HYCC2: variants seen among roughly 807,000 people sequenced by gnomAD.
The protein encoded by HYCC2 is hyccin 2.
At chr2:201,063,197 C>T in the HYCC2 span, 8,790 of 1,607,558 alleles carry the variant, frequency 5.5e-3, 406 homozygotes, top group African/African-American at 0.1. Flanking sequence ...TTTTGAGCAA[C>T]GGGGAACGCT....
the HYCC2 span, among the ~76,000 whole-genome samples, chr2:200,998,486 T>C: frequency 6.6e-6 from 1 of 152,236 alleles, no homozygotes; most frequent in Non-Finnish European, 1.5e-5. Context: ...ATTGTAATTT[T>C]ACGCCTCTAT....
At chr2:201,021,769 TAC>T in the HYCC2 span, 2 of 285,674 alleles carry the variant, frequency 7.0e-6, no homozygotes, top group Non-Finnish European at 1.4e-5. Flanking sequence ...GGGTAGGGAA[TAC>T]ACACATTCAT....
At chr2:201,062,656 A>C in the HYCC2 span, among the ~76,000 whole-genome samples, 1 of 150,748 alleles carries the variant, frequency 6.6e-6, no homozygotes, top group African/African-American at 2.4e-5. Context: ...GTCTCACAAA[A>C]AAAAAAAAAA....
the HYCC2 span, among the ~76,000 whole-genome samples, chr2:201,035,268 T>C: frequency 2.6e-5 from 4 of 152,244 alleles, no homozygotes; most frequent in Non-Finnish European, 2.9e-5. Flanking sequence ...TCTTTTCATA[T>C]AGTCCCATAT....
At chr2:200,979,046 ATTTT>A in the HYCC2 span, 1 of 151,714 alleles carries the variant, frequency 6.6e-6, no homozygotes, top group Non-Finnish European at 1.5e-5. Flanking sequence ...TTTTTTATTT[ATTTT>A]TAATTTTTTT....
chr2:201,039,609 T>C, the HYCC2 span, among the ~76,000 whole-genome samples: 1 of 152,192 alleles, frequency 6.6e-6, no homozygotes, highest in Non-Finnish European at 1.5e-5. Flanking sequence ...AGATAATTGT[T>C]CATTTCAAAG....
chr2:201,020,480 G>T, the HYCC2 span, among the ~76,000 whole-genome samples: 1 of 152,146 alleles, frequency 6.6e-6, no homozygotes, highest in Non-Finnish European at 1.5e-5. Context: ...GAGAAATGGG[G>T]TAGATAATAT....
At chr2:200,981,655 A>G in the HYCC2 span, 3 of 1,614,130 alleles carry the variant, frequency 1.9e-6, no homozygotes, top group Non-Finnish European at 2.5e-6. This position sits in a 1 kb window ranked among gnomAD's most constrained non-coding sequence, Gnocchi z 4.5. Context: ...CTTGCGAACT[A>G]CTGAATCTCG....
chr2:201,018,580 T>C, the HYCC2 span, among the ~76,000 whole-genome samples: 1 of 152,226 alleles, frequency 6.6e-6, no homozygotes. Flanking sequence ...TCTGGAAGAA[T>C]TCTAAAGCTT....
At chr2:201,033,626 G>A in the HYCC2 span, among the ~76,000 whole-genome samples, 3 of 151,730 alleles carry the variant, frequency 2.0e-5, no homozygotes, top group African/African-American at 4.8e-5. Flanking sequence ...GTATGGTCTC[G>A]ATCTCCTGAC....
chr2:201,034,501 T>G, the HYCC2 span, among the ~76,000 whole-genome samples: 3 of 152,312 alleles, frequency 2.0e-5, no homozygotes, highest in African/African-American at 7.2e-5. Context: ...TATGTGTGTC[T>G]CTGCACATGA....
chr2:200,988,404 T>A, the HYCC2 span: 1 of 1,611,972 alleles, frequency 6.2e-7, no homozygotes, highest in Non-Finnish European at 8.5e-7. Context: ...GTAATGAGTT[T>A]TTCATGGCAT....
At chr2:201,056,167 C>T in the HYCC2 span, among the ~76,000 whole-genome samples, 1 of 151,368 alleles carries the variant, frequency 6.6e-6, no homozygotes, top group African/African-American at 2.4e-5. Context: ...GCACTCCAAC[C>T]TGGGCAAGAG....
At chr2:201,012,818 G>A in the HYCC2 span, among the ~76,000 whole-genome samples, 4 of 151,840 alleles carry the variant, frequency 2.6e-5, no homozygotes, top group African/African-American at 9.7e-5. Flanking sequence ...GGTGGCAGAC[G>A]CCTATAATCC....
chr2:201,024,843 C>T, the HYCC2 span, among the ~76,000 whole-genome samples: 1 of 152,098 alleles, frequency 6.6e-6, no homozygotes, highest in Non-Finnish European at 1.5e-5. Flanking sequence ...CAGCTGGGCA[C>T]AGTGGCTCAT....
At chr2:201,069,418 T>C in the HYCC2 span, among the ~76,000 whole-genome samples, 5 of 152,158 alleles carry the variant, frequency 3.3e-5, no homozygotes, top group African/African-American at 9.7e-5. Flanking sequence ...TAGTGTTTCT[T>C]TAGCTACTTG....
the HYCC2 span, among the ~76,000 whole-genome samples, chr2:201,043,757 C>T: frequency 1.3e-5 from 2 of 152,118 alleles, no homozygotes; most frequent in East Asian, 3.9e-4. Flanking sequence ...ATCCACCCGC[C>T]TCAGCCTCCC....
chr2:201,018,979 A>C, the HYCC2 span, among the ~76,000 whole-genome samples: 1 of 152,212 alleles, frequency 6.6e-6, no homozygotes, highest in Non-Finnish European at 1.5e-5. Flanking sequence ...CACTTCTTAT[A>C]TTAGAATGGA....
At chr2:200,984,212 G>A in the HYCC2 span, among the ~76,000 whole-genome samples, 1 of 151,804 alleles carries the variant, frequency 6.6e-6, no homozygotes. Flanking sequence ...GCTAATTTTT[G>A]TATATTTTGT....
Sources: gnomAD v4.1 joint callset for allele counts (sites outside exome capture counted in the v4.1 genomes callset) on GRCh38, gnomAD v4.1.1 for gene constraint, Gnocchi (gnomAD v3.1) non-coding constraint, MANE v1.5 for transcripts, NCBI Gene and HGNC (gene_info 2026-07-23, HGNC 2026-07-21) for gene names.